The following KLF6 variants were observed in gnomAD, a reference collection of about 807,000 sequenced individuals.
KLF6 encodes Krueppel-like factor 6.
For synonymous variants in KLF6, 152 were observed against 147.9 expected (o/e 1.03, Z -0.20); for missense variants, 233 against 359.8 (o/e 0.65, Z 2.85).
rs905536173 is a variant in KLF6, at chr10:3,782,364, G to A, written c.103-150C>T. ...CAAAACCTTTTGTAATTAAGCATCC[G>A]TGTCCTTACGGAAGTTAGAGGAAAT... is the stretch of plus-strand genomic sequence containing the variant. On this transcript the variant is annotated intron_variant, in intron 1 of 3. Coordinates refer to ENST00000497571, the MANE Select transcript of KLF6 (RefSeq NM_001300.6). This position sits in a 1 kb window ranked among gnomAD's most constrained non-coding sequence, Gnocchi z 4.3. The A allele has an allele frequency of 3.9e-5, 27 of 700,908 alleles. No homozygotes were observed. The highest frequency in any genetic ancestry group is 2.3e-4 in the Admixed American group (11 of 47,150). 43.4% of individuals were successfully genotyped at this position (700,908 alleles called of 1,614,324 possible). A position where few individuals can be genotyped will look rare whatever the true frequency, so the allele number is the denominator to read the frequency against.
chr10:3,779,150 A>C lies in KLF6; in HGVS notation c.*389T>G, dbSNP rs1832464050. The C allele has an allele frequency of 1.8e-6, 1 of 542,708 alleles. No individual in the cohort carries two copies. The highest frequency in any genetic ancestry group is 3.8e-5 in the East Asian group (1 of 26,008). The allele number at this position is 542,708 out of a possible 1,614,324, so 33.6% of individuals were successfully genotyped here. ...TATACTCCTTACACACAAAACATTC[A>C]AACTACTTTTTTTCCATCTCTTGCA... On this transcript the variant is annotated 3_prime_UTR_variant, in exon 4 of 4. Coordinates refer to ENST00000497571, the MANE Select transcript of KLF6 (RefSeq NM_001300.6).
rs1832407156 is a variant in KLF6 at position 3,777,205 on chromosome 10, G to T, written c.*2334C>A. 1.9e-6 allele frequency: 1 copy of T among 516,858 alleles called. No homozygotes were observed. Among genetic ancestry groups the T allele is most frequent in the East Asian group, 4.2e-5 (1 of 23,768 alleles). 32.0% of individuals were successfully genotyped at this position (516,858 alleles called of 1,614,324 possible). The stretch of plus-strand genomic sequence containing the variant: ...ATCAAACAAAATACCAGCCCAGCCA[G>T]ACTCACATGTGTGTATATATATATA... On this transcript the variant is annotated 3_prime_UTR_variant, in exon 4 of 4. Coordinates refer to ENST00000497571, the MANE Select transcript of KLF6 (RefSeq NM_001300.6).
Position 3,782,067 on chromosome 10 carries a change from T to A in KLF6, c.250A>T (p.Ser84Cys). 6.2e-7 allele frequency: 1 copy of A among 1,614,188 alleles called. No individual in the cohort carries two copies. The highest frequency in any genetic ancestry group is 8.5e-7 in the Non-Finnish European group (1 of 1,179,998). Reference protein sequence around the residue: ...KEESELKISSSPPEDTLISPS... With the variant: ...KEESELKISSCPPEDTLISPS... ...CTGATGAGAGTGTCCTCTGGAGGAC[T>A]GGAAGATATCTTCAGTTCGGATTCC... is the stretch of plus-strand genomic sequence containing the variant. Residue 84 changes from serine (S) to cysteine (C), a missense_variant, in exon 2 of 4, where the codon AGT (serine) becomes TGT (cysteine). Coordinates refer to ENST00000497571, the MANE Select transcript of KLF6 (RefSeq NM_001300.6). The surrounding 1 kb of genome is among the most constrained non-coding windows in gnomAD (Gnocchi z 4.3).
chr10:3,781,845 G>A lies in KLF6; in HGVS notation c.472C>T (p.Pro158Ser). The stretch of plus-strand genomic sequence containing the variant: ...GGCACGCAACCCCACAGTTGAGAAG[G>A]TTCCCTGCTCAGTTCCGGAGAAGAT... Reference protein sequence around the residue: ...PPSSPELSREPSQLWGCVPGE... With the variant: ...PPSSPELSRESSQLWGCVPGE... The change falls in exon 2 of 4, where the codon CCT (proline) becomes TCT (serine). Residue 158 changes from proline to serine, a missense_variant. Physicochemically the swap from Pro to Ser is moderately conservative, Grantham distance 74. Transcript: ENST00000497571. This position sits in a 1 kb window ranked among gnomAD's most constrained non-coding sequence, Gnocchi z 5.8. The A allele has an allele frequency of 6.2e-7, 1 of 1,614,248 alleles. No individual in the cohort carries two copies. The highest frequency in any genetic ancestry group is 8.5e-7 in the Non-Finnish European group (1 of 1,180,044).
In KLF6 at chr10:3,776,891, G is replaced by A. The variant is rs1402043778; in HGVS notation, c.*2648C>T. On this transcript the variant is annotated 3_prime_UTR_variant, in exon 4 of 4. Transcript: ENST00000497571. ...CCACCCAGGCAAACAGCTCCGACAT[G>A]TTTCGTAAGTGAGACAAGCCAGTGC... The A allele has an allele frequency of 2.0e-5, 10 of 512,064 alleles. No individual in the cohort carries two copies. The Admixed American group carries it at 2.3e-4, about 12-fold the overall frequency. 31.7% of individuals were successfully genotyped at this position (512,064 alleles called of 1,614,324 possible).
chr10:3,780,405 C>T lies in KLF6; in HGVS notation c.677-176G>A, dbSNP rs1832491430. The T allele has an allele frequency of 2.7e-6, 2 of 729,406 alleles. No individual in the cohort carries two copies. Among genetic ancestry groups the T allele is most frequent in the East Asian group, 5.3e-5 (2 of 37,690 alleles). The allele number at this position is 729,406 out of a possible 1,614,324, so 45.2% of individuals were successfully genotyped here. On this transcript the variant is annotated intron_variant, in intron 2 of 3. Coordinates refer to ENST00000497571, the MANE Select transcript of KLF6 (RefSeq NM_001300.6). This position sits in a 1 kb window ranked among gnomAD's most constrained non-coding sequence, Gnocchi z 4.6. ...GAGACAACAGCAGCTCTCTCCTGAC[C>T]CAGTCTCAGGCCTCCCACTGCTGTC...
Position 3,778,640 on chromosome 10 carries a change from T to G in KLF6, c.*899A>C. 1.9e-6 allele frequency: 1 copy of G among 515,130 alleles called. No homozygotes were observed. Among genetic ancestry groups the G allele is most frequent in the South Asian group, 1.6e-5 (1 of 63,816 alleles). 31.9% of individuals were successfully genotyped at this position (515,130 alleles called of 1,614,324 possible). ...CTTGGAGGGGAAAAAAAATTGTATA[T>G]TGCCAGGCCCGGATGGCTAGGGGGT... On this transcript the variant is annotated 3_prime_UTR_variant, in exon 4 of 4. Coordinates refer to ENST00000497571, the MANE Select transcript of KLF6 (RefSeq NM_001300.6).
rs1313843710 is a variant in KLF6, at chr10:3,776,624, A to G, written c.*2915T>C. 1 of 496,014 alleles carries G rather than the reference A, an allele frequency of 2.0e-6. No homozygotes were observed. The highest frequency in any genetic ancestry group is 3.8e-6 in the Non-Finnish European group (1 of 260,412). The allele number at this position is 496,014 out of a possible 1,614,324, so 30.7% of individuals were successfully genotyped here. On this transcript the variant is annotated 3_prime_UTR_variant, in exon 4 of 4. Coordinates refer to ENST00000497571, the MANE Select transcript of KLF6 (RefSeq NM_001300.6). ...TACAGAAATATAACAATCTTGCAAA[A>G]AACAATTTCAAATAAAATCTTGTAA...
In KLF6 at chr10:3,781,690, T is replaced by C. The variant is rs1313535064; in HGVS notation, c.627A>G (p.Lys209=). The part of the protein sequence containing the change: ...VHRCHFNGCR[K]VYTKSSHLKA... ...TCAAGTGGGAGCTTTTGGTGTAAAC[T>C]TTCCTGCAGCCGTTAAAGTGGCACC... Residue 209 remains lysine, a synonymous_variant, in exon 2 of 4, where the codon AAA becomes AAG. Transcript: ENST00000497571. This position sits in a 1 kb window ranked among gnomAD's most constrained non-coding sequence, Gnocchi z 5.8. The C allele has an allele frequency of 4.3e-6, 7 of 1,613,522 alleles. No individual in the cohort carries two copies. The African/African-American group carries it at 8.0e-5, about 18-fold the overall frequency.
Position 3,778,021 on chromosome 10 carries a change from AAGTC to A in KLF6, c.*1514_*1517del, listed in dbSNP as rs779989869. 3.5e-5 allele frequency: 18 copies of A among 508,718 alleles called. No individual in the cohort carries two copies. Among genetic ancestry groups the A allele is most frequent in the Non-Finnish European group, 6.9e-5 (18 of 260,294 alleles). The allele number at this position is 508,718 out of a possible 1,614,324, so 31.5% of individuals were successfully genotyped here. On this transcript the variant is annotated 3_prime_UTR_variant, in exon 4 of 4. Coordinates refer to ENST00000497571, the MANE Select transcript of KLF6 (RefSeq NM_001300.6). ...CAATTGTTGTGCAAGGTCTATATGA[AAGTC>A]TCAAGGTGGCAGAATTGGTCAGATT... is the stretch of plus-strand genomic sequence containing the variant.
In KLF6 at chr10:3,782,173, G is replaced by A; in HGVS notation, c.144C>T (p.Cys48=). 6.2e-7 allele frequency: 1 copy of A among 1,610,806 alleles called. No homozygotes were observed. ...ATTTGATTTCTGAGGCTGAAACATA[G>A]CAGGGCTCGCTCTGGAGGTAACGTT... The part of the protein sequence containing the change: ...ELERYLQSEP[C]YVSASEIKFD... Residue 48 remains cysteine (C), a synonymous_variant, in exon 2 of 4, where the codon TGC becomes TGT. Coordinates refer to ENST00000497571, the MANE Select transcript of KLF6 (RefSeq NM_001300.6). The surrounding 1 kb of genome is among the most constrained non-coding windows in gnomAD (Gnocchi z 4.3).
rs1295631917 is a variant in KLF6, at chr10:3,776,571, T to C, written c.*2968A>G. 3.8e-6 allele frequency: 2 copies of C among 523,110 alleles called. No individual in the cohort carries two copies. The highest frequency in any genetic ancestry group is 1.9e-5 in the African/African-American group (1 of 53,174). The allele number at this position is 523,110 out of a possible 1,614,324, so 32.4% of individuals were successfully genotyped here. ...CTCAAGATGCTGATAAGAATTCTTTTATGTTATTCCAATAAAAAATACATT... is the reference window on the plus strand; with the variant it reads ...CTCAAGATGCTGATAAGAATTCTTTCATGTTATTCCAATAAAAAATACATT... On this transcript the variant is annotated 3_prime_UTR_variant, in exon 4 of 4. Transcript: ENST00000497571.
chr10:3,783,012 G>A (rs1170333857), intron 1 of KLF6, among the ~76,000 whole-genome samples: 1 of 152,176 alleles, frequency 6.6e-6, no homozygotes, highest in African/African-American at 2.4e-5. Context: ...ATTACTCCAC[G>A]GCCCTGCTGG....
chr10:3,777,783 C>T lies in KLF6; in HGVS notation c.*1756G>A, dbSNP rs1292984854. ...TAATATATATATATACACACATACA[C>T]ATACTGTACACACAAATATACATAC... On this transcript the variant is annotated 3_prime_UTR_variant, in exon 4 of 4. Transcript: ENST00000497571. 2.2e-6 allele frequency: 1 copy of T among 454,018 alleles called. No homozygotes were observed. Among genetic ancestry groups the T allele is most frequent in the Non-Finnish European group, 4.3e-6 (1 of 234,274 alleles). The allele number at this position is 454,018 out of a possible 1,614,324, so 28.1% of individuals were successfully genotyped here. A position where few individuals can be genotyped will look rare whatever the true frequency, so the allele number is the denominator to read the frequency against.
In KLF6 at chr10:3,778,595, T is replaced by C. The variant is rs1043003; in HGVS notation, c.*944A>G. 0.33 allele frequency: 171,027 copies of C among 513,622 alleles called. 31,651 individuals are homozygous for C. The highest frequency in any genetic ancestry group is 0.51 in the East Asian group (12,323 of 24,054). 31.8% of individuals were successfully genotyped at this position (513,622 alleles called of 1,614,324 possible). On this transcript the variant is annotated 3_prime_UTR_variant, in exon 4 of 4. Transcript: ENST00000497571. The stretch of plus-strand genomic sequence containing the variant: ...AATCCTGTGTTGCACAATGCCTTTC[T>C]GGAAGGGGAGTGTTACAAACTTGGA...
At position 3,777,285 on chromosome 10, in the gene KLF6, G is replaced by A. The variant is rs767768225; in HGVS notation, c.*2254C>T. 1.9e-5 allele frequency: 10 copies of A among 514,756 alleles called. No homozygotes were observed. Among genetic ancestry groups the A allele is most frequent in the Admixed American group, 4.5e-5 (2 of 44,128 alleles). 31.9% of individuals were successfully genotyped at this position (514,756 alleles called of 1,614,324 possible). Reference sequence around the variant, plus strand: ...GCTGGGTGAAATATCAGCTGTCCACGCCGTGGTATGCCAATTCGGGGAAAT... The same window carrying A: ...GCTGGGTGAAATATCAGCTGTCCACACCGTGGTATGCCAATTCGGGGAAAT... On this transcript the variant is annotated 3_prime_UTR_variant, in exon 4 of 4. Transcript: ENST00000497571.
At position 3,779,016 on chromosome 10, in the gene KLF6, CTTCT is replaced by C. The variant is rs1697796831; in HGVS notation, c.*519_*522del. The C allele has an allele frequency of 3.8e-6, 2 of 530,200 alleles. No individual in the cohort carries two copies. The highest frequency in any genetic ancestry group is 3.1e-5 in the South Asian group (2 of 63,818). 32.8% of individuals were successfully genotyped at this position (530,200 alleles called of 1,614,324 possible). On this transcript the variant is annotated 3_prime_UTR_variant, in exon 4 of 4. Coordinates refer to ENST00000497571, the MANE Select transcript of KLF6 (RefSeq NM_001300.6). ...CCCACGCCCACCCTCCAAGATTTTC[CTTCT>C]TTTTTTGTTTTTGTTTTTTTGTTTT...
chr10:3,781,589 A>AT lies in KLF6; in HGVS notation c.676+51dup. The AT allele has an allele frequency of 6.2e-7, 1 of 1,603,432 alleles. No individual in the cohort carries two copies. On this transcript the variant is annotated intron_variant, in intron 2 of 3. Transcript: ENST00000497571. The surrounding 1 kb of genome is among the most constrained non-coding windows in gnomAD (Gnocchi z 5.8). ...CCCGGCTCCCTCCAGGGCTGGTGCA[A>AT]TGCAGTGGCGCCCACCAGCGGCCGC...
chr10:3,780,826 G>A lies in KLF6; in HGVS notation c.677-597C>T, dbSNP rs1469794455. ...AAGTGCTACCTGAGAAAACAAAGTT[G>A]TCAAGCCAATCTCAGGGTATGTTGA... On this transcript the variant is annotated intron_variant, in intron 2 of 3. Transcript: ENST00000497571. The surrounding 1 kb of genome is among the most constrained non-coding windows in gnomAD (Gnocchi z 4.6). 5.6e-6 allele frequency: 1 copy of A among 178,900 alleles called. No individual in the cohort carries two copies. Among genetic ancestry groups the A allele is most frequent in the East Asian group, 1.4e-4 (1 of 7,394 alleles). 11.1% of individuals were successfully genotyped at this position (178,900 alleles called of 1,614,324 possible). A position where few individuals can be genotyped will look rare whatever the true frequency, so the allele number is the denominator to read the frequency against.
Sources: gnomAD v4.1 joint callset for allele counts (sites outside exome capture counted in the v4.1 genomes callset) on GRCh38, gnomAD v4.1.1 for gene constraint, Gnocchi (gnomAD v3.1) non-coding constraint, MANE v1.5 for transcripts, NCBI Gene and HGNC (gene_info 2026-07-23, HGNC 2026-07-21) for gene names.